SGCZ: variants seen among roughly 807,000 people sequenced by gnomAD.
SGCZ encodes the protein sarcoglycan zeta.
SGCZ carries 40 observed loss-of-function variants against 41.3 expected under a neutral mutation model. That is an observed-to-expected ratio of 0.97 (90% CI 0.75 to 1.26). The LOEUF is 1.26. Ranked by LOEUF, SGCZ falls within the 50% of genes most tolerant of loss-of-function variation. The probability of loss-of-function intolerance (pLI) is 0.00; values close to 1 mark genes in which losing one functional copy is unlikely to be tolerated. For missense variants in SGCZ, 552 were observed against 369.8 expected (o/e 1.49, Z -4.04); for synonymous variants, 206 against 137.5 (o/e 1.50, Z -3.49).
chr8:14,427,323 C>A (rs1799815862), intron 2 of SGCZ, among the ~76,000 whole-genome samples: 1 of 151,792 alleles, frequency 6.6e-6, no homozygotes, highest in Non-Finnish European at 1.5e-5. Flanking sequence ...ACATGTACCC[C>A]TGAACTTAAA....
chr8:14,945,165 T>TGG (rs796836743), intron 1 of SGCZ, among the ~76,000 whole-genome samples: 3 of 17,704 alleles, frequency 1.7e-4, no homozygotes, highest in African/African-American at 2.6e-4. Context: ...TGTGGGTGGG[T>TGG]GGGGGGGGTG....
chr8:15,051,539 T>C (rs565969846), intron 1 of SGCZ, among the ~76,000 whole-genome samples: 1 of 152,138 alleles, frequency 6.6e-6, no homozygotes, highest in Non-Finnish European at 1.5e-5. Context: ...AGGATTGGAA[T>C]TGTGGAGTGC....
intron 1 of SGCZ, among the ~76,000 whole-genome samples, chr8:14,646,082 C>G (rs1325396954): frequency 6.6e-6 from 1 of 151,750 alleles, no homozygotes; most frequent in Non-Finnish European, 1.5e-5. Context: ...ATTTTAGATA[C>G]AGGGAATACA....
chr8:14,967,328 A>C (rs1801154989), intron 1 of SGCZ, among the ~76,000 whole-genome samples: 1 of 152,128 alleles, frequency 6.6e-6, no homozygotes, highest in South Asian at 2.1e-4. Context: ...CTGGCGCTCC[A>C]TCTCTGGTCT....
chr8:15,167,762 C>G (rs1195340641), intron 1 of SGCZ, among the ~76,000 whole-genome samples: 2 of 152,124 alleles, frequency 1.3e-5, no homozygotes, highest in African/African-American at 2.4e-5. Flanking sequence ...CACTAGTTGT[C>G]TTAAGTTTTT....
chr8:15,236,833 C>A (rs1001936546), intron 1 of SGCZ, among the ~76,000 whole-genome samples: 5 of 151,992 alleles, frequency 3.3e-5, no homozygotes, highest in Non-Finnish European at 7.4e-5. Flanking sequence ...CGGCGGGGGG[C>A]TCCAGGCTGG....
At chr8:14,345,970 C>T (rs1802878941) in intron 2 of SGCZ, among the ~76,000 whole-genome samples, 1 of 151,998 alleles carries the variant, frequency 6.6e-6, no homozygotes, top group Non-Finnish European at 1.5e-5. Flanking sequence ...ATTTTTAGGG[C>T]AGAGAAACTA....
chr8:15,097,839 T>TATATATATATAC (rs1380085103), intron 1 of SGCZ, among the ~76,000 whole-genome samples: 20 of 9,962 alleles, frequency 2.0e-3, no homozygotes, highest in African/African-American at 3.0e-3. Context: ...TATATACGTG[T>TATATATATATAC]GTGTATATAT....
intron 1 of SGCZ, among the ~76,000 whole-genome samples, chr8:15,006,404 G>C (rs1277242426): frequency 1.3e-5 from 2 of 152,144 alleles, no homozygotes; most frequent in African/African-American, 2.4e-5. Context: ...GCTGGATTTA[G>C]AAAAGGATTT....
rs1168778028 is a variant in SGCZ at position 14,282,847 on chromosome 8, C to CTTTTTTTTTTT, written c.336+41245_336+41255dup. On this transcript the variant is annotated intron_variant, in intron 3 of 7. Coordinates refer to ENST00000382080, the MANE Select transcript of SGCZ (RefSeq NM_139167.4). Reference sequence around the variant, plus strand: ...CATTATAATCATTCTCTTTCAAATACTTTTTTTTTTTTTTTTTTTTGAGAC... The same window carrying CTTTTTTTTTTT: ...CATTATAATCATTCTCTTTCAAATACTTTTTTTTTTTTTTTTTTTTTTTTTTTTTTTGAGAC... 4.3e-4 allele frequency among the ~76,000 whole-genome samples: 39 copies of CTTTTTTTTTTT among 89,910 alleles called. 1 individual carries two copies. The highest frequency in any genetic ancestry group is 5.3e-4 in the Non-Finnish European group (27 of 50,596). 59.0% of individuals were successfully genotyped at this position (89,910 alleles called of 152,430 possible). A position where few individuals can be genotyped will look rare whatever the true frequency, so the allele number is the denominator to read the frequency against.
At chr8:14,883,543 A>G (rs975879030) in intron 1 of SGCZ, among the ~76,000 whole-genome samples, 1 of 152,166 alleles carries the variant, frequency 6.6e-6, no homozygotes, top group African/African-American at 2.4e-5. Flanking sequence ...GGGCCAGAAC[A>G]GAATTCACTT....
At chr8:14,864,230 C>G (rs1177256939) in intron 1 of SGCZ, among the ~76,000 whole-genome samples, 1 of 151,890 alleles carries the variant, frequency 6.6e-6, no homozygotes, top group Non-Finnish European at 1.5e-5. Context: ...CACTTCCCAC[C>G]ACTTACATGT....
chr8:14,559,131 G>A (rs946748018), intron 1 of SGCZ, among the ~76,000 whole-genome samples: 3 of 152,036 alleles, frequency 2.0e-5, no homozygotes, highest in East Asian at 3.9e-4. Context: ...CCTAGTCAGA[G>A]CAATCAGACA....
At chr8:14,193,075 T>A (rs888254841) in intron 4 of SGCZ, among the ~76,000 whole-genome samples, 2 of 151,890 alleles carry the variant, frequency 1.3e-5, no homozygotes, top group African/African-American at 2.4e-5. Flanking sequence ...AGACTGTATC[T>A]TATAGGCTGT....
chr8:14,230,771 G>GA (rs937393548), intron 4 of SGCZ, among the ~76,000 whole-genome samples: 4 of 150,570 alleles, frequency 2.7e-5, no homozygotes, highest in East Asian at 2.0e-4. Context: ...GGTGGTGGGG[G>GA]GGTGGTTACT....
At chr8:14,179,948 C>A (rs754131542) in intron 4 of SGCZ, among the ~76,000 whole-genome samples, 9 of 152,152 alleles carry the variant, frequency 5.9e-5, no homozygotes, top group Non-Finnish European at 1.3e-4. Context: ...ATTGGTGAAA[C>A]CGGCCCAAGC....
chr8:14,496,987 TAAA>T (rs2117042745), intron 2 of SGCZ, among the ~76,000 whole-genome samples: 1 of 152,288 alleles, frequency 6.6e-6, no homozygotes, highest in Non-Finnish European at 1.5e-5. Context: ...TAGTTTTCAA[TAAA>T]ATGAACCCAC....
At chr8:14,163,209 T>G (rs1329323094) in intron 5 of SGCZ, among the ~76,000 whole-genome samples, 2 of 152,186 alleles carry the variant, frequency 1.3e-5, no homozygotes, top group African/African-American at 4.8e-5. Context: ...TGTGAAGGTT[T>G]GTTACAGAGG....
chr8:14,150,154 C>G (rs922349163), intron 5 of SGCZ, among the ~76,000 whole-genome samples: 5 of 152,078 alleles, frequency 3.3e-5, no homozygotes, highest in Non-Finnish European at 5.9e-5. Flanking sequence ...GCACAGACAA[C>G]CACGGCAAGA....
Sources: allele counts gnomAD v4.1 joint callset (sites outside exome capture counted in the v4.1 genomes callset), GRCh38; gene constraint gnomAD v4.1.1; transcripts MANE v1.5; gene names NCBI Gene and HGNC (gene_info 2026-07-23, HGNC 2026-07-21).